Variants in ST8SIA3 observed in about 807,000 individuals in gnomAD.
ST8SIA3 encodes the protein ST8 alpha-N-acetyl-neuraminide alpha-2,8-sialyltransferase 3, also known as alpha-N-acetylneuraminate alpha-2,8-sialyltransferase ST8SIA3.
ST8SIA3 carries 17 observed loss-of-function variants against 34.5 expected under a neutral mutation model. That is an observed-to-expected ratio of 0.49 (90% CI 0.34 to 0.74). The LOEUF is 0.74. ST8SIA3 is among the 30% of genes least tolerant of loss of function. ST8SIA3 has a pLI of 0.01. For synonymous variants in ST8SIA3, 172 were observed against 176.1 expected, an observed-to-expected ratio of 0.98 and a Z score of 0.19; for missense variants, 354 against 467.8, an observed-to-expected ratio of 0.76 and a Z score of 2.24.
intron 1 of ST8SIA3, 58 bp from the exon 2 acceptor site, chr18:57,354,344 A>C: frequency 6.2e-7 from 1 of 1,607,952 alleles, no homozygotes; most frequent in Non-Finnish European, 8.5e-7. Context: ...TTTAATGGCT[A>C]CCTCGGCTTC....
rs1439709150 is a variant in ST8SIA3 at position 57,360,126 on chromosome 18, G to A, written c.992G>A (p.Arg331Lys). Residue 331 changes from arginine (R) to lysine (K), a missense_variant, in exon 4 of 4, where the codon AGG becomes AAG. Arg to Lys is a conservative substitution (Grantham distance 26, BLOSUM62 2). This residue lies in a region of ST8SIA3 where 166 missense variants were observed against 245.2 expected (regional missense o/e 0.68). Transcript: ENST00000324000. ...FWPFGFDPNT[R>K]EDLPYHYYDK... ...CCGTTTGGATTTGACCCCAACACAA[G>A]GGAAGATCTTCCATACCATTACTAT... The A allele has an allele frequency of 3.1e-6, 5 of 1,614,108 alleles. No homozygotes were observed. Among genetic ancestry groups the A allele is most frequent in the Non-Finnish European group, 4.2e-6 (5 of 1,180,000 alleles).
At chr18:57,353,077 T>C in intron 1 of ST8SIA3, 52 bp downstream of exon 1, 1 of 1,583,324 alleles carries the variant, frequency 6.3e-7, no homozygotes, top group South Asian at 1.1e-5. Context: ...TGATGGGGTG[T>C]TTGGGGAAGG....
chr18:57,367,180 C>T lies in ST8SIA3; in HGVS notation c.*6903C>T, dbSNP rs183139571. The T allele has an allele frequency of 1.3e-5, 2 of 152,298 alleles. No homozygotes were observed. Among genetic ancestry groups the T allele is most frequent in the East Asian group, 1.9e-4 (1 of 5,184 alleles). The allele number at this position is 152,298 out of a possible 1,614,324, so 9.4% of individuals were successfully genotyped here. ...GATCATGAAGGACCAAATCTACTTC[C>T]GTTGCTATAATAAAATACCCTACAG... On this transcript the variant is annotated 3_prime_UTR_variant, in exon 4 of 4. Coordinates refer to ENST00000324000, the MANE Select transcript of ST8SIA3 (RefSeq NM_015879.3).
rs1185680734 is a variant in ST8SIA3, at chr18:57,367,438, A to T, written c.*7161A>T. On this transcript the variant is annotated 3_prime_UTR_variant, in exon 4 of 4. Transcript: ENST00000324000. ...GCAGCCTGAGCACAAGTATGCCTTC[A>T]CCCTCTGGCTCTTTTCCTGACACCA... The T allele has an allele frequency of 6.6e-6, 1 of 152,644 alleles. No homozygotes were observed. The highest frequency in any genetic ancestry group is 2.4e-5 in the African/African-American group (1 of 41,440). The allele number at this position is 152,644 out of a possible 1,614,324, so 9.5% of individuals were successfully genotyped here.
chr18:57,357,864 G>A (rs1470214396), intron 3 of ST8SIA3, among the ~76,000 whole-genome samples: 1 of 152,150 alleles, frequency 6.6e-6, no homozygotes. Context: ...TTTTAGAAAC[G>A]ATGCAGTTGA....
intron 3 of ST8SIA3, among the ~76,000 whole-genome samples, chr18:57,358,290 T>A (rs1313147519): frequency 2.6e-5 from 4 of 152,232 alleles, no homozygotes; most frequent in Non-Finnish European, 4.4e-5. Flanking sequence ...ATTTTTTTTC[T>A]TTTAAATCAT....
At position 57,357,344 on chromosome 18, in the gene ST8SIA3, T is replaced by A; in HGVS notation, c.734T>A (p.Ile245Asn). ...AAGCTTGACGGGGCCATTCTTTGGA[T>A]CCCTGCATTTTTCTTCCACACTTCA... ...LKKLDGAILW[I>N]PAFFFHTSAT... Residue 245 changes from isoleucine (I) to asparagine (N), a missense_variant, in exon 3 of 4, where the codon ATC becomes AAC. By Grantham distance (149) the Ile-to-Asn change is moderately radical. This residue lies in a region of ST8SIA3 where 166 missense variants were observed against 245.2 expected (regional missense o/e 0.68). Coordinates refer to ENST00000324000, the MANE Select transcript of ST8SIA3 (RefSeq NM_015879.3). 1 of 1,613,566 alleles carries A rather than the reference T, an allele frequency of 6.2e-7. No individual in the cohort carries two copies. The highest frequency in any genetic ancestry group is 8.5e-7 in the Non-Finnish European group (1 of 1,179,990).
intron 3 of ST8SIA3, among the ~76,000 whole-genome samples, 179 bp from the exon 4 acceptor site, chr18:57,359,816 C>T (rs1403073062): frequency 6.6e-6 from 1 of 152,196 alleles, no homozygotes; most frequent in Middle Eastern, 3.2e-3. Context: ...TACTGGATCT[C>T]ACAAATTATG....
Position 57,353,006 on chromosome 18 carries a change from A to G in ST8SIA3, c.160A>G (p.Met54Val). Residue 54 changes from methionine to valine, a missense_variant, in exon 1 of 4, where the codon ATG (methionine) becomes GTG (valine). Coordinates refer to ENST00000324000, the MANE Select transcript of ST8SIA3 (RefSeq NM_015879.3). The part of the protein sequence containing the change: ...YASPGAPRMY[M>V]FHAGFRSQFA... ...CAGCCCGGGGGCGCCCCGAATGTAC[A>G]TGTTCCACGCGGGATTCCGGTGAGT... 1 of 1,609,406 alleles carries G rather than the reference A, an allele frequency of 6.2e-7. No individual in the cohort carries two copies. The highest frequency in any genetic ancestry group is 8.5e-7 in the Non-Finnish European group (1 of 1,179,868).
At position 57,367,113 on chromosome 18, in the gene ST8SIA3, A is replaced by G. The variant is rs567495933; in HGVS notation, c.*6836A>G. The G allele has an allele frequency of 6.6e-5, 10 of 152,340 alleles. No homozygotes were observed. The highest frequency in any genetic ancestry group is 8.8e-5 in the Non-Finnish European group (6 of 68,024). 9.4% of individuals were successfully genotyped at this position (152,340 alleles called of 1,614,324 possible). A position where few individuals can be genotyped will look rare whatever the true frequency, so the allele number is the denominator to read the frequency against. On this transcript the variant is annotated 3_prime_UTR_variant, in exon 4 of 4. Coordinates refer to ENST00000324000, the MANE Select transcript of ST8SIA3 (RefSeq NM_015879.3). ...TATGCCTAATTCCTAGGACACAGTG[A>G]GTGGCCGTAAGTTGTTATCTGCATG...
intron 2 of ST8SIA3, among the ~76,000 whole-genome samples, chr18:57,355,727 A>G (rs552789064): frequency 6.6e-6 from 1 of 152,306 alleles, no homozygotes; most frequent in East Asian, 1.9e-4. Flanking sequence ...TATTCTTCCC[A>G]CACTAGGCCA....
chr18:57,354,053 G>C (rs2049782993), intron 1 of ST8SIA3, among the ~76,000 whole-genome samples: 1 of 152,240 alleles, frequency 6.6e-6, no homozygotes, highest in African/African-American at 2.4e-5. Context: ...AGGCGTAGCG[G>C]GTCAGGCTGG....
chr18:57,354,081 G>A (rs1268030112), intron 1 of ST8SIA3, among the ~76,000 whole-genome samples: 1 of 152,250 alleles, frequency 6.6e-6, no homozygotes, highest in Non-Finnish European at 1.5e-5. Flanking sequence ...GCCGCTGTCC[G>A]CGGTGCTGAT....
chr18:57,353,167 C>G, intron 1 of ST8SIA3, 142 bp downstream of exon 1: 1 of 744,482 alleles, frequency 1.3e-6, no homozygotes, highest in Non-Finnish European at 2.2e-6. Context: ...ACTCCTCTCT[C>G]TAATTCTCCC....
chr18:57,355,260 G>A (rs1184149217), intron 2 of ST8SIA3, among the ~76,000 whole-genome samples: 2 of 152,138 alleles, frequency 1.3e-5, no homozygotes, highest in Non-Finnish European at 2.9e-5. Context: ...AGCAAACCAC[G>A]ATAACTCATT....
Position 57,360,860 on chromosome 18 carries a change from G to A in ST8SIA3, c.*583G>A, listed in dbSNP as rs1029492724. ...TATTGAATTCGCTTTGCTTGTATATGTTGCATTTGTACTTGATGTGTTTAA... is the reference window on the plus strand; with the variant it reads ...TATTGAATTCGCTTTGCTTGTATATATTGCATTTGTACTTGATGTGTTTAA... On this transcript the variant is annotated 3_prime_UTR_variant, in exon 4 of 4. Transcript: ENST00000324000. 6.5e-6 allele frequency: 1 copy of A among 153,610 alleles called. No homozygotes were observed. The highest frequency in any genetic ancestry group is 2.4e-5 in the African/African-American group (1 of 41,438). The allele number at this position is 153,610 out of a possible 1,614,324, so 9.5% of individuals were successfully genotyped here. A position where few individuals can be genotyped will look rare whatever the true frequency, so the allele number is the denominator to read the frequency against.
chr18:57,366,597 C>T lies in ST8SIA3; in HGVS notation c.*6320C>T, dbSNP rs2049862143. ...TGCCTGCAAAGGAGCAGGGGAAGAA[C>T]AAGGCACCCAGTAAGCTCACTTGGC... On this transcript the variant is annotated 3_prime_UTR_variant, in exon 4 of 4. Transcript: ENST00000324000. 1 of 152,172 alleles carries T rather than the reference C, an allele frequency of 6.6e-6. No homozygotes were observed. Among genetic ancestry groups the T allele is most frequent in the South Asian group, 2.1e-4 (1 of 4,828 alleles). 9.4% of individuals were successfully genotyped at this position (152,172 alleles called of 1,614,324 possible). A position where few individuals can be genotyped will look rare whatever the true frequency, so the allele number is the denominator to read the frequency against.
chr18:57,356,406 AATAG>A (rs1300131653), intron 2 of ST8SIA3, among the ~76,000 whole-genome samples: 2 of 152,238 alleles, frequency 1.3e-5, no homozygotes, highest in Non-Finnish European at 2.9e-5. Flanking sequence ...ATATTTTAAT[AATAG>A]ATAGTGCTGT....
rs3745060 is a variant in ST8SIA3, at chr18:57,354,494, A to C, written c.272A>C (p.Lys91Thr). The C allele has an allele frequency of 0.2, 327,306 of 1,613,624 alleles. 39,711 individuals are homozygous for C. Among genetic ancestry groups the C allele is most frequent in the East Asian group, 0.51 (22,748 of 44,856 alleles). Residue 91 changes from lysine (K) to threonine (T), a missense_variant, in exon 2 of 4, where the codon AAA becomes ACA. Around this residue, in one of 3 missense-constraint regions of ST8SIA3, gnomAD observed 184 missense variants for 205.4 expected, o/e 0.90. Transcript: ENST00000324000. Reference sequence around the variant, plus strand: ...CTCCAAGAGAAACCTTCTAAGTGGAAATTTAATCGGACAGCGTTTTTACAT... The same window carrying C: ...CTCCAAGAGAAACCTTCTAAGTGGACATTTAATCGGACAGCGTTTTTACAT... ...QELQEKPSKW[K>T]FNRTAFLHQR... is the part of the protein sequence containing the mutation.
Sources: gnomAD v4.1 joint callset for allele counts (sites outside exome capture counted in the v4.1 genomes callset) on GRCh38, gnomAD v4.1.1 for gene constraint, gnomAD v4.1.1 regional missense constraint, MANE v1.5 for transcripts, NCBI Gene and HGNC (gene_info 2026-07-23, HGNC 2026-07-21) for gene names.